CLCN4: variants seen among roughly 807,000 people sequenced by gnomAD.
CLCN4 encodes the protein Cl-/H+ antiporter 4.
Under a neutral mutation model 41.7 loss-of-function variants are expected in CLCN4, and 1 was observed. The ratio of observed to expected loss-of-function variants is 0.02; its 90% CI spans 0.01 to 0.11. CLCN4 has a LOEUF of 0.11. Ranked by LOEUF, CLCN4 falls within the 10% of genes least tolerant of loss-of-function variation. CLCN4 has a pLI of 1.00. For synonymous variants in CLCN4, 277 were observed against 285.8 expected (o/e 0.97, Z 0.31); for missense variants, 287 against 661.0 (o/e 0.43, Z 6.20).
At chrX:10,222,657 C>T (rs1275988695) in intron 12 of CLCN4, among the ~76,000 whole-genome samples, 2 of 111,681 alleles carry the variant, frequency 1.8e-5, no homozygotes, top group African/African-American at 6.5e-5. Context: ...CACAACAAAA[C>T]ATCTGGCCCA....
chrX:10,170,861 C>T (rs889720003), intron 2 of CLCN4, among the ~76,000 whole-genome samples: 1 of 112,419 alleles, frequency 8.9e-6, no homozygotes, highest in Admixed American at 9.4e-5. Context: ...TGTATGTCGG[C>T]AATCAATAAA....
At chrX:10,180,699 G>A (rs1435896061) in intron 2 of CLCN4, among the ~76,000 whole-genome samples, 6 of 103,473 alleles carry the variant, frequency 5.8e-5, no homozygotes, top group Admixed American at 1.1e-4. Flanking sequence ...CCCAGGAGGC[G>A]GAGGTTGCGG....
At chrX:10,165,511 A>G (rs1923225602) in intron 2 of CLCN4, among the ~76,000 whole-genome samples, 1 of 110,501 alleles carries the variant, frequency 9.0e-6, no homozygotes, top group Admixed American at 9.5e-5. Context: ...TGTGAGAGCT[A>G]CCCCAACGCT....
At chrX:10,187,905 C>T (rs1466663898) in intron 4 of CLCN4, among the ~76,000 whole-genome samples, 1 of 111,800 alleles carries the variant, frequency 8.9e-6, no homozygotes, top group Admixed American at 9.5e-5. Context: ...TCTTACTATA[C>T]CGGATTTGAC....
At position 10,233,587 on chromosome X, in the gene CLCN4, A is replaced by G. The variant is rs1925176078; in HGVS notation, c.*3A>G. The G allele has an allele frequency of 8.5e-7, 1 of 1,170,371 alleles. No homozygotes were observed. The highest frequency in any genetic ancestry group is 3.0e-5 in the East Asian group (1 of 33,733). On this transcript the variant is annotated 3_prime_UTR_variant, in exon 13 of 13. Transcript: ENST00000380833. ...CCGAATCCATCATGTTTAATTAGCA[A>G]CAAGGTGGCAATTATTTTCAGAAAA...
At chrX:10,201,517 G>A (rs919157028) in intron 6 of CLCN4, among the ~76,000 whole-genome samples, 7 of 111,459 alleles carry the variant, frequency 6.3e-5, no homozygotes, top group African/African-American at 2.3e-4. Context: ...ATAAATCATG[G>A]GTAAAAAGAA....
chrX:10,237,241 A>T lies in CLCN4; in HGVS notation c.*3657A>T, dbSNP rs1206270581. 11 of 112,519 alleles carry T rather than the reference A, an allele frequency of 9.8e-5. No individual in the cohort carries two copies. Among genetic ancestry groups the T allele is most frequent in the Admixed American group, 9.4e-4 (10 of 10,654 alleles). The allele number at this position is 112,519 out of a possible 1,213,427, so 9.3% of individuals were successfully genotyped here. Reference sequence around the variant, plus strand: ...GTGCAAATTCTACTTAGTATTCATTATTAGATGCTAAGCTGGAAAAGATGA... The same window carrying T: ...GTGCAAATTCTACTTAGTATTCATTTTTAGATGCTAAGCTGGAAAAGATGA... On this transcript the variant is annotated 3_prime_UTR_variant, in exon 13 of 13. Transcript: ENST00000380833.
At chrX:10,175,352 G>C (rs1028047730) in intron 2 of CLCN4, among the ~76,000 whole-genome samples, 1 of 111,054 alleles carries the variant, frequency 9.0e-6, no homozygotes. Flanking sequence ...CCTCATACAG[G>C]CTTGTTGGAC....
At chrX:10,200,638 A>C (rs967158564) in intron 6 of CLCN4, among the ~76,000 whole-genome samples, 1 of 111,931 alleles carries the variant, frequency 8.9e-6, no homozygotes, top group Non-Finnish European at 1.9e-5. Flanking sequence ...TGGGCATTTT[A>C]TTGGTGATAG....
At chrX:10,183,053 G>A (rs1296685090) in intron 2 of CLCN4, among the ~76,000 whole-genome samples, 1 of 111,808 alleles carries the variant, frequency 8.9e-6, no homozygotes, top group African/African-American at 3.3e-5. Flanking sequence ...ACAGCCTGTC[G>A]TCTTGTTTTT....
Position 10,220,708 on chromosome X carries a change from T to C in CLCN4, c.2023T>C (p.Tyr675His), listed in dbSNP as rs1301982045. ...QEGIVSNSIM[Y>H]FTEEPPELPA... ...GGGCATTGTGAGCAATTCCATCATG[T>C]ACTTCACGGAGGAACCCCCCGAGCT... The change falls in exon 12 of 13, where the codon TAC becomes CAC. Residue 675 changes from tyrosine to histidine, a missense_variant. By Grantham distance (83) the Tyr-to-His change is moderately conservative. Coordinates refer to ENST00000380833, the MANE Select transcript of CLCN4 (RefSeq NM_001830.4). 1.4e-5 allele frequency: 17 copies of C among 1,211,525 alleles called. No homozygotes were observed. The highest frequency in any genetic ancestry group is 1.9e-5 in the Non-Finnish European group (17 of 895,378).
chrX:10,229,857 A>G (rs1925083170), intron 12 of CLCN4, among the ~76,000 whole-genome samples: 1 of 112,005 alleles, frequency 8.9e-6, no homozygotes, highest in African/African-American at 3.2e-5. Flanking sequence ...ATAAACATAC[A>G]TGTGCATGTG....
intron 2 of CLCN4, among the ~76,000 whole-genome samples, chrX:10,180,884 T>C (rs1395935580): frequency 9.1e-6 from 1 of 109,411 alleles, no homozygotes; most frequent in African/African-American, 3.3e-5. Flanking sequence ...GAGAGAGGCC[T>C]GGGAACCCCA....
intron 4 of CLCN4, among the ~76,000 whole-genome samples, chrX:10,192,874 T>G (rs139788711): frequency 4.1e-4 from 46 of 112,126 alleles, no homozygotes; most frequent in Middle Eastern, 4.6e-3. Flanking sequence ...GAGGTGGAGC[T>G]GCTGGGATAT....
chrX:10,217,747 ATT>A (rs59203927), intron 11 of CLCN4, among the ~76,000 whole-genome samples: 1 of 94,364 alleles, frequency 1.1e-5, no homozygotes, highest in Non-Finnish European at 2.1e-5. Flanking sequence ...ACATTCCTTC[ATT>A]TTTTTTTTTT....
intron 12 of CLCN4, among the ~76,000 whole-genome samples, chrX:10,228,348 C>T (rs1279571943): frequency 9.1e-6 from 1 of 109,501 alleles, no homozygotes. Context: ...TCTTCCAGGT[C>T]TCCTATCTCC....
Position 10,215,815 on chromosome X carries a change from G to C in CLCN4, c.1975+1736G>C, listed in dbSNP as rs752230752. ...GAAGAAATTTAAGCTTACCAACCAAGTACTCTTCTCGAAGCTATGTTTGGA... is the reference window on the plus strand; with the variant it reads ...GAAGAAATTTAAGCTTACCAACCAACTACTCTTCTCGAAGCTATGTTTGGA... On this transcript the variant is annotated intron_variant, in intron 11 of 12. Transcript: ENST00000380833. Among the ~76,000 whole-genome samples, 3 of 112,101 alleles carry C rather than the reference G, an allele frequency of 2.7e-5. No homozygotes were observed. In the South Asian group the frequency reaches 1.1e-3, roughly 42 times the overall value.
At chrX:10,212,704 A>AG in intron 10 of CLCN4, 51 bp downstream of exon 10, 1 of 1,075,010 alleles carries the variant, frequency 9.3e-7, no homozygotes, top group Non-Finnish European at 1.3e-6. Context: ...AATCTGGCTT[A>AG]GAGGACTGCC....
At chrX:10,193,039 T>C (rs1924007855) in intron 4 of CLCN4, among the ~76,000 whole-genome samples, 2 of 111,829 alleles carry the variant, frequency 1.8e-5, no homozygotes, top group Admixed American at 1.9e-4. Context: ...AGTGGAGATA[T>C]CTAGTAGACC....
Sources: gnomAD v4.1 joint callset for allele counts (sites outside exome capture counted in the v4.1 genomes callset) on GRCh38, gnomAD v4.1.1 for gene constraint, MANE v1.5 for transcripts, NCBI Gene and HGNC (gene_info 2026-07-23, HGNC 2026-07-21) for gene names.